SCOC: variants seen among roughly 807,000 people sequenced by gnomAD.
The protein encoded by SCOC is short coiled coil protein.
A neutral mutation model predicts 9.9 loss-of-function variants in SCOC; 7 were observed. The ratio of observed to expected loss-of-function variants is 0.71; its 90% CI spans 0.40 to 1.33. SCOC has a LOEUF of 1.33. SCOC is among the 40% of genes most tolerant of loss of function. The pLI, the probability that SCOC is intolerant of heterozygous loss-of-function variation, is 0.01. For missense variants in SCOC, 66 were observed against 89.7 expected (o/e 0.74, Z 1.07); for synonymous variants, 19 against 28.2 (o/e 0.67, Z 1.03).
At chr4:140,299,776 T>C (rs1731759829) in intron 1 of SCOC, among the ~76,000 whole-genome samples, 1 of 152,224 alleles carries the variant, frequency 6.6e-6, no homozygotes, top group Non-Finnish European at 1.5e-5. Context: ...ATGCTTGTAG[T>C]AGTGAGGGTG....
chr4:140,376,655 ATTTTC>A (rs1043900992), intron 1 of SCOC: 3 of 151,850 alleles, frequency 2.0e-5, no homozygotes, highest in African/African-American at 7.3e-5. Flanking sequence ...TCTGCTTTTT[ATTTTC>A]TTTCACTTTT....
intron 1 of SCOC, among the ~76,000 whole-genome samples, chr4:140,335,754 T>C (rs1578822097): frequency 6.6e-6 from 1 of 152,154 alleles, no homozygotes; most frequent in Non-Finnish European, 1.5e-5. Flanking sequence ...TTCTTCATTA[T>C]TGATATTGAT....
intron 2 of SCOC, among the ~76,000 whole-genome samples, chr4:140,356,937 A>C (rs1184988373): frequency 6.6e-6 from 1 of 152,174 alleles, no homozygotes; most frequent in Non-Finnish European, 1.5e-5. Context: ...TAAAAGGAAG[A>C]GATACATAGT....
upstream of SCOC, among the ~76,000 whole-genome samples, chr4:140,339,034 A>G (rs1490389062): frequency 6.6e-6 from 1 of 152,224 alleles, no homozygotes; most frequent in African/African-American, 2.4e-5. Flanking sequence ...GCATCATGCT[A>G]CCTGACTTCA....
At chr4:140,315,613 G>A (rs1732293820) in intron 1 of SCOC, among the ~76,000 whole-genome samples, 1 of 152,158 alleles carries the variant, frequency 6.6e-6, no homozygotes, top group African/African-American at 2.4e-5. Flanking sequence ...GAGCCTTTGG[G>A]CAACTCCCAG....
exon 2 of SCOC, chr4:140,343,639 A>G: frequency 6.2e-7 from 1 of 1,613,242 alleles, no homozygotes; most frequent in East Asian, 2.2e-5. Flanking sequence ...ATTGAACAAG[A>G]TGGACGGGTC....
In SCOC at chr4:140,293,486, C is replaced by T. The variant is rs550069877; in HGVS notation, c.-19+36076C>T. On this transcript the variant is annotated intron_variant, in intron 1 of 4. Transcript: ENST00000394205. ...TCTTGAGATGGAAATGCCGGTCTGA[C>T]ACCTACTAAGAAGAGAGGGAAAGAA... 9.2e-6 allele frequency: 4 copies of T among 435,318 alleles called. No individual in the cohort carries two copies. In the Admixed American group the frequency reaches 9.9e-5, roughly 11 times the overall value. 27.0% of individuals were successfully genotyped at this position (435,318 alleles called of 1,614,324 possible). A position where few individuals can be genotyped will look rare whatever the true frequency, so the allele number is the denominator to read the frequency against.
chr4:140,385,359 G>C lies in SCOC; in HGVS notation c.*4255G>C, dbSNP rs532148557. 3.3e-5 allele frequency: 5 copies of C among 152,298 alleles called. No homozygotes were observed. Among genetic ancestry groups the C allele is most frequent in the African/African-American group, 9.6e-5 (4 of 41,554 alleles). 9.4% of individuals were successfully genotyped at this position (152,298 alleles called of 1,614,324 possible). A position where few individuals can be genotyped will look rare whatever the true frequency, so the allele number is the denominator to read the frequency against. ...TGTAGCAAAATGAGTATTAAAGTAG[G>C]ATAAAGAAAGACTACATATGTACAT... On this transcript the variant is annotated 3_prime_UTR_variant, in exon 4 of 4. Transcript: ENST00000608372.
intron 1 of SCOC, among the ~76,000 whole-genome samples, chr4:140,300,525 A>G (rs1192368796): frequency 6.6e-6 from 1 of 152,236 alleles, no homozygotes; most frequent in African/African-American, 2.4e-5. Flanking sequence ...GGAAGTTGGC[A>G]GATTCTCAGA....
intron 1 of SCOC, among the ~76,000 whole-genome samples, chr4:140,265,527 G>C (rs1730714620): frequency 6.6e-6 from 1 of 152,188 alleles, no homozygotes; most frequent in South Asian, 2.1e-4. Flanking sequence ...GAAGACTTAT[G>C]GACAGAAAAG....
At chr4:140,331,283 A>C (rs1436564802) in intron 1 of SCOC, among the ~76,000 whole-genome samples, 1 of 152,190 alleles carries the variant, frequency 6.6e-6, no homozygotes, top group African/African-American at 2.4e-5. Context: ...TCACCACTGA[A>C]CTATGAAAAT....
intron 1 of SCOC, among the ~76,000 whole-genome samples, chr4:140,319,184 C>T (rs1732422609): frequency 6.6e-6 from 1 of 152,094 alleles, no homozygotes; most frequent in African/African-American, 2.4e-5. Context: ...CTCTGCCTCC[C>T]AGGTTCAAGT....
intron 1 of SCOC, among the ~76,000 whole-genome samples, chr4:140,269,854 G>A (rs757093333): frequency 6.6e-6 from 1 of 151,958 alleles, no homozygotes; most frequent in Non-Finnish European, 1.5e-5. Context: ...GGGCTCAAGC[G>A]AGTCTCCCAC....
chr4:140,257,373 T>G (rs1036534792), exon 1 of SCOC: 10 of 152,328 alleles, frequency 6.6e-5, no homozygotes, highest in African/African-American at 2.4e-4. Context: ...AGCAAATTTA[T>G]CTTTTCTCTT....
chr4:140,359,135 G>C (rs1041972134), intron 2 of SCOC, among the ~76,000 whole-genome samples: 1 of 152,190 alleles, frequency 6.6e-6, no homozygotes, highest in Non-Finnish European at 1.5e-5. Context: ...ACTATTTTGT[G>C]GCTGAGTGAT....
intron 1 of SCOC, among the ~76,000 whole-genome samples, chr4:140,278,034 T>C (rs1357846816): frequency 6.6e-6 from 1 of 152,274 alleles, no homozygotes; most frequent in East Asian, 1.9e-4. Context: ...TATTTGCTTC[T>C]TCTGACTTAT....
intron 1 of SCOC, among the ~76,000 whole-genome samples, chr4:140,274,307 G>A (rs185888616): frequency 2.6e-5 from 4 of 152,128 alleles, no homozygotes; most frequent in African/African-American, 4.8e-5. Flanking sequence ...GAAGACTTTC[G>A]CTTTACTTTT....
At chr4:140,279,302 A>G (rs1276469590) in intron 1 of SCOC, among the ~76,000 whole-genome samples, 4 of 152,214 alleles carry the variant, frequency 2.6e-5, no homozygotes, top group Non-Finnish European at 5.9e-5. Context: ...TTGTTTCATC[A>G]AGAGAACTCA....
intron 1 of SCOC, among the ~76,000 whole-genome samples, chr4:140,297,345 G>A (rs2126445753): frequency 6.6e-6 from 1 of 152,064 alleles, no homozygotes; most frequent in South Asian, 2.1e-4. Context: ...ACAAAGCACT[G>A]CACCTCCCCA....
Sources: gnomAD v4.1 joint callset for allele counts (sites outside exome capture counted in the v4.1 genomes callset) on GRCh38, gnomAD v4.1.1 for gene constraint, MANE v1.5 for transcripts, NCBI Gene and HGNC (gene_info 2026-07-23, HGNC 2026-07-21) for gene names.